Variants in RBM18 observed in about 807,000 individuals in gnomAD.
The protein encoded by RBM18 is RNA binding motif protein 18, also known as probable RNA-binding protein 18.
RBM18 carries 18 observed loss-of-function variants against 26.4 expected under a neutral mutation model. The observed-to-expected ratio is 0.68, with a 90% CI of 0.47 to 1.01. The LOEUF is 1.01. RBM18 is among the 50% of genes least tolerant of loss of function. The pLI, the probability that RBM18 is intolerant of heterozygous loss-of-function variation, is 0.00. For missense variants in RBM18, 180 were observed against 219.2 expected (o/e 0.82, Z 1.13); for synonymous variants, 74 against 81.1 (o/e 0.91, Z 0.47).
At chr9:122,262,429 T>C (rs1831814381) in intron 1 of RBM18, among the ~76,000 whole-genome samples, 1 of 152,200 alleles carries the variant, frequency 6.6e-6, no homozygotes, top group Non-Finnish European at 1.5e-5. Context: ...ATTCAATTAA[T>C]GTTAGCTTAA....
intron 2 of RBM18, among the ~76,000 whole-genome samples, 167 bp downstream of exon 2, chr9:122,261,213 T>TA (rs1425235274): frequency 6.6e-6 from 1 of 151,902 alleles, no homozygotes; most frequent in Non-Finnish European, 1.5e-5. Context: ...AGTCCAAATG[T>TA]AAAAAAAGTG....
chr9:122,245,272 T>A lies in RBM18; in HGVS notation c.397A>T (p.Thr133Ser). ...SLEPSSSTEP[T>S]QSNLSVTAKI... is the part of the protein sequence containing the mutation. ...TCATCTTACCTTAGGTTAGACTGAG[T>A]AGGCTCAGTGCTTGAGGATGGCTCG... The change falls in exon 5 of 6, where the codon ACT (threonine) becomes TCT (serine). Residue 133 changes from threonine (T) to serine (S), a missense_variant. Around this residue, in one of 3 missense-constraint regions of RBM18, gnomAD observed 103 missense variants for 102.8 expected, o/e 1.00. Coordinates refer to ENST00000417201, the MANE Select transcript of RBM18 (RefSeq NM_033117.4). 6.3e-7 allele frequency: 1 copy of A among 1,597,142 alleles called. No individual in the cohort carries two copies. Among genetic ancestry groups the A allele is most frequent in the East Asian group, 2.2e-5 (1 of 44,792 alleles).
chr9:122,263,112 ACAGGAACCATGGAGG>A (rs1039286477), intron 1 of RBM18, among the ~76,000 whole-genome samples: 4 of 152,188 alleles, frequency 2.6e-5, no homozygotes, highest in Non-Finnish European at 4.4e-5. Context: ...GGTCAGCACT[ACAGGAACCATGGAGG>A]CAGTCACAAC....
At chr9:122,247,774 G>GTTT (rs1564455612) in intron 3 of RBM18, among the ~76,000 whole-genome samples, 170 bp from the exon 4 acceptor site, 4 of 133,962 alleles carry the variant, frequency 3.0e-5, no homozygotes, top group African/African-American at 5.1e-5. Context: ...AAAGGGCATG[G>GTTT]TTTTTTTGTT....
chr9:122,257,728 T>C (rs1587979894), intron 2 of RBM18, among the ~76,000 whole-genome samples: 2 of 152,360 alleles, frequency 1.3e-5, no homozygotes, highest in Admixed American at 1.3e-4. Flanking sequence ...TAATGTCTTC[T>C]AACAAGCGGT....
intron 1 of RBM18, among the ~76,000 whole-genome samples, chr9:122,262,486 GA>G (rs1831815517): frequency 6.6e-6 from 1 of 152,322 alleles, no homozygotes; most frequent in Non-Finnish European, 1.5e-5. Flanking sequence ...CACAGCCAAG[GA>G]GAAAAGAGGA....
In RBM18 at chr9:122,238,514, G is replaced by A. The variant is rs568307043; in HGVS notation, c.*3370C>T. The A allele has an allele frequency of 2.0e-5, 3 of 152,168 alleles. No homozygotes were observed. The highest frequency in any genetic ancestry group is 1.3e-4 in the Admixed American group (2 of 15,278). The allele number at this position is 152,168 out of a possible 1,614,324, so 9.4% of individuals were successfully genotyped here. A position where few individuals can be genotyped will look rare whatever the true frequency, so the allele number is the denominator to read the frequency against. ...CTCTGCGGCTATCTGGAGAAAGAGC[G>A]TTCTAAGCTAAGGCAACAGCCAATG... is the stretch of plus-strand genomic sequence containing the variant. On this transcript the variant is annotated 3_prime_UTR_variant, in exon 6 of 6. Transcript: ENST00000417201.
At chr9:122,244,800 T>C (rs1831478190) in intron 5 of RBM18, among the ~76,000 whole-genome samples, 1 of 152,208 alleles carries the variant, frequency 6.6e-6, no homozygotes, top group South Asian at 2.1e-4. Context: ...TAACTAACAA[T>C]TTGTACAAAC....
intron 3 of RBM18, 106 bp from the exon 4 acceptor site, chr9:122,247,710 T>G: frequency 1.2e-6 from 1 of 836,274 alleles, no homozygotes; most frequent in Non-Finnish European, 2.0e-6. Context: ...TCTAACAAAT[T>G]GTTTTTGGTA....
intron 5 of RBM18, among the ~76,000 whole-genome samples, chr9:122,244,381 T>C (rs1328956374): frequency 6.6e-6 from 1 of 152,230 alleles, no homozygotes; most frequent in East Asian, 1.9e-4. Flanking sequence ...CTGATCCTTA[T>C]GTATCACTGA....
At chr9:122,254,366 C>G (rs927674100) in intron 2 of RBM18, 1 of 862,392 alleles carries the variant, frequency 1.2e-6, no homozygotes, top group East Asian at 1.2e-4. Context: ...ATTATCGGAA[C>G]ACTGAAACAA....
rs1208801530 is a variant in RBM18, at chr9:122,261,486, C to T, written c.7G>A (p.Ala3Thr). The change falls in exon 2 of 6, where the codon GCA becomes ACA. Residue 3 changes from alanine (A) to threonine (T), a missense_variant. Around this residue, in one of 3 missense-constraint regions of RBM18, gnomAD observed 49 missense variants for 56.6 expected, o/e 0.87. Coordinates refer to ENST00000417201, the MANE Select transcript of RBM18 (RefSeq NM_033117.4). The stretch of plus-strand genomic sequence containing the variant: ...TCCAGGGGAAGAGTTTTGGTTTCTG[C>T]TTCCATCAATGTCTATGAAATACTA... ME[A>T]ETKTLPLENA... is the part of the protein sequence containing the mutation. The T allele has an allele frequency of 6.8e-6, 11 of 1,610,368 alleles. No individual in the cohort carries two copies. The highest frequency in any genetic ancestry group is 8.5e-6 in the Non-Finnish European group (10 of 1,176,514).
At position 122,238,408 on chromosome 9, in the gene RBM18, T is replaced by A. The variant is rs1311280779; in HGVS notation, c.*3476A>T. ...AGGAAAGGATTGGAGAGTGACAGGT[T>A]GTAATTTTAAGAGGGAGGCCGGGGA... is the stretch of plus-strand genomic sequence containing the variant. On this transcript the variant is annotated 3_prime_UTR_variant, in exon 6 of 6. Transcript: ENST00000417201. 6.6e-6 allele frequency: 1 copy of A among 152,228 alleles called. No individual in the cohort carries two copies. The highest frequency in any genetic ancestry group is 1.5e-5 in the Non-Finnish European group (1 of 68,042). 9.4% of individuals were successfully genotyped at this position (152,228 alleles called of 1,614,324 possible). A position where few individuals can be genotyped will look rare whatever the true frequency, so the allele number is the denominator to read the frequency against.
intron 2 of RBM18, among the ~76,000 whole-genome samples, chr9:122,258,243 A>C (rs1436839696): frequency 1.3e-5 from 2 of 152,238 alleles, no homozygotes; most frequent in East Asian, 3.9e-4. Flanking sequence ...TGTTAACCAT[A>C]AGCTATGATT....
At chr9:122,247,627 T>A in intron 3 of RBM18, 23 bp from the exon 4 acceptor site, 1 of 1,597,584 alleles carries the variant, frequency 6.3e-7, no homozygotes, top group Middle Eastern at 1.8e-4. Context: ...GGGACAAATG[T>A]TAGTTAAAAA....
At chr9:122,262,048 G>A (rs1317387598) in intron 1 of RBM18, among the ~76,000 whole-genome samples, 3 of 152,116 alleles carry the variant, frequency 2.0e-5, no homozygotes, top group Non-Finnish European at 4.4e-5. Context: ...TGAACTACCT[G>A]AACTTTCTAG....
chr9:122,238,859 G>A lies in RBM18; in HGVS notation c.*3025C>T, dbSNP rs1831368865. ...ATAGTCCAGGGAAGAGATGATGGTG[G>A]CTTTAAGAAAAATGGTGGTAGTGTT... On this transcript the variant is annotated 3_prime_UTR_variant, in exon 6 of 6. Coordinates refer to ENST00000417201, the MANE Select transcript of RBM18 (RefSeq NM_033117.4). The A allele has an allele frequency of 6.6e-6, 1 of 152,214 alleles. No individual in the cohort carries two copies. The highest frequency in any genetic ancestry group is 1.5e-5 in the Non-Finnish European group (1 of 68,040). 9.4% of individuals were successfully genotyped at this position (152,214 alleles called of 1,614,324 possible).
At chr9:122,252,593 T>G (rs1250117545) in intron 2 of RBM18, among the ~76,000 whole-genome samples, 1 of 152,236 alleles carries the variant, frequency 6.6e-6, no homozygotes, top group Non-Finnish European at 1.5e-5. Flanking sequence ...CTGATGTGAC[T>G]GAACATGAGG....
Position 122,241,840 on chromosome 9 carries a change from T to C in RBM18, c.*44A>G, listed in dbSNP as rs1831425914. 9.5e-6 allele frequency: 15 copies of C among 1,583,838 alleles called. No homozygotes were observed. Among genetic ancestry groups the C allele is most frequent in the Non-Finnish European group, 1.3e-5 (15 of 1,157,072 alleles). ...AAGTACACAGGCAGACGATTTTAGGTGTGGAGACCAATTTGCTTTTGCTGC... is the reference window on the plus strand; with the variant it reads ...AAGTACACAGGCAGACGATTTTAGGCGTGGAGACCAATTTGCTTTTGCTGC... On this transcript the variant is annotated 3_prime_UTR_variant, in exon 6 of 6. Transcript: ENST00000417201.
Sources: allele counts gnomAD v4.1 joint callset (sites outside exome capture counted in the v4.1 genomes callset), GRCh38; gene constraint gnomAD v4.1.1; regional missense constraint gnomAD v4.1.1; transcripts MANE v1.5; gene names NCBI Gene and HGNC (gene_info 2026-07-23, HGNC 2026-07-21).